SERPINI2: variants seen among roughly 807,000 people sequenced by gnomAD.
The protein encoded by SERPINI2 is serpin I2.
In SERPINI2, 48 loss-of-function variants were observed where a neutral mutation model predicts 47.3. That is an observed-to-expected ratio of 1.02 (90% CI 0.81 to 1.29). The LOEUF is 1.29. SERPINI2 is among the 50% of genes most tolerant of loss of function. The pLI, the probability that SERPINI2 is intolerant of heterozygous loss-of-function variation, is 0.00. For missense variants in SERPINI2, 448 were observed against 456.9 expected (o/e 0.98, Z 0.18); for synonymous variants, 135 against 149.3 (o/e 0.90, Z 0.70).
At chr3:167,466,701 A>G (rs1271083332) in intron 3 of SERPINI2, among the ~76,000 whole-genome samples, 1 of 152,154 alleles carries the variant, frequency 6.6e-6, no homozygotes, top group Non-Finnish European at 1.5e-5. Flanking sequence ...GAAAGAAGGC[A>G]TTTGGGATTG....
chr3:167,448,005 T>C (rs1301303420), intron 7 of SERPINI2, among the ~76,000 whole-genome samples: 4 of 152,200 alleles, frequency 2.6e-5, no homozygotes, highest in East Asian at 1.9e-4. Flanking sequence ...CAGTAAGACA[T>C]TGAAATGATA....
exon 5 of SERPINI2, chr3:167,465,305 C>G (rs745324577): frequency 5.0e-6 from 8 of 1,613,146 alleles, no homozygotes; most frequent in Non-Finnish European, 6.8e-6. Context: ...TATATCCATA[C>G]CTTCTGCAGG....
At chr3:167,465,891 A>G (rs1315880026) in intron 3 of SERPINI2, among the ~76,000 whole-genome samples, 1 of 152,208 alleles carries the variant, frequency 6.6e-6, no homozygotes, top group South Asian at 2.1e-4. Flanking sequence ...AATTAGAAAT[A>G]TGAGACTGTT....
rs1359324307 is a variant in SERPINI2 at position 167,453,017 on chromosome 3, T to A, written c.883A>T (p.Lys295Ter). 1 of 1,581,804 alleles carries A rather than the reference T, an allele frequency of 6.3e-7. No individual in the cohort carries two copies. The highest frequency in any genetic ancestry group is 1.4e-5 in the African/African-American group (1 of 73,670). The change falls in exon 6 of 9, where the codon AAA becomes TAA. Residue 295 changes from lysine to a stop codon, truncating the protein, a stop_gained. Coordinates refer to ENST00000264677, the Ensembl canonical transcript of SERPINI2. LOFTEE classifies it high-confidence loss of function. ...TACAAAACGTCTTTGAAGTCTACTT[T>A]TTGTTCTACTTTAAATCTGTTATTA...
exon 3 of SERPINI2, chr3:167,467,168 T>C: frequency 6.2e-7 from 1 of 1,613,486 alleles, no homozygotes. Context: ...ATGGAGATAC[T>C]GTTCTTTCAC....
At chr3:167,473,408 T>G (rs1750393499) in intron 1 of SERPINI2, among the ~76,000 whole-genome samples, 1 of 151,578 alleles carries the variant, frequency 6.6e-6, no homozygotes, top group South Asian at 2.1e-4. Context: ...TCTAATATAT[T>G]CAATTTCTCA....
At chr3:167,449,667 T>C (rs1346276694) in intron 6 of SERPINI2, among the ~76,000 whole-genome samples, 2 of 143,916 alleles carry the variant, frequency 1.4e-5, no homozygotes, top group African/African-American at 2.7e-5. Flanking sequence ...CTAATTTTTG[T>C]ATTTTTAGTA....
intron 7 of SERPINI2, among the ~76,000 whole-genome samples, chr3:167,448,545 T>C (rs1749544515): frequency 6.6e-6 from 1 of 151,856 alleles, no homozygotes; most frequent in Non-Finnish European, 1.5e-5. Flanking sequence ...TGTTTTGAGA[T>C]GGAGTCTCGC....
Position 167,467,590 on chromosome 3 carries a change from AT to A in SERPINI2, c.248-306del, listed in dbSNP as rs139555399. ...CCCTCTTGATAGTCACATTTAGCGC[AT>A]TTTTAGTTATTGAAATTTATGTTTA... On this transcript the variant is annotated intron_variant, in intron 2 of 8. Transcript: ENST00000264677. 3.4e-3 allele frequency among the ~76,000 whole-genome samples: 524 copies of A among 152,306 alleles called. 6 individuals are homozygous for A. Among genetic ancestry groups the A allele is most frequent in the African/African-American group, 0.012 (492 of 41,570 alleles).
intron 2 of SERPINI2, among the ~76,000 whole-genome samples, chr3:167,467,642 T>C (rs1222191242): frequency 6.6e-6 from 1 of 152,230 alleles, no homozygotes; most frequent in Non-Finnish European, 1.5e-5. Flanking sequence ...AACGTGAGCA[T>C]GTGATACCTA....
At chr3:167,455,788 C>T (rs1210916422) in intron 5 of SERPINI2, among the ~76,000 whole-genome samples, 2 of 152,022 alleles carry the variant, frequency 1.3e-5, no homozygotes, top group East Asian at 1.9e-4. Context: ...GGAATGGGCA[C>T]ATCTTACATG....
intron 6 of SERPINI2, among the ~76,000 whole-genome samples, 182 bp from the exon 7 acceptor site, chr3:167,449,584 T>C (rs1272685680): frequency 6.6e-6 from 1 of 152,158 alleles, no homozygotes; most frequent in African/African-American, 2.4e-5. Flanking sequence ...AACCTCTGCC[T>C]CCCAGATTCA....
chr3:167,456,512 T>C (rs971959060), intron 5 of SERPINI2, among the ~76,000 whole-genome samples: 10 of 152,194 alleles, frequency 6.6e-5, no homozygotes, highest in Non-Finnish European at 1.2e-4. Flanking sequence ...AAGTGTTACA[T>C]CTTTTGAAAA....
At chr3:167,451,405 T>G (rs1749637196) in intron 6 of SERPINI2, among the ~76,000 whole-genome samples, 1 of 152,252 alleles carries the variant, frequency 6.6e-6, no homozygotes, top group African/African-American at 2.4e-5. Context: ...AGTGTTGGGC[T>G]GCTTCATAGT....
intron 5 of SERPINI2, among the ~76,000 whole-genome samples, chr3:167,457,965 A>T (rs1201791148): frequency 6.6e-6 from 1 of 152,200 alleles, no homozygotes; most frequent in Non-Finnish European, 1.5e-5. Context: ...TTTTCAGACA[A>T]GTTATCCAGG....
At chr3:167,458,358 T>C (rs1020813264) in intron 5 of SERPINI2, among the ~76,000 whole-genome samples, 1 of 150,908 alleles carries the variant, frequency 6.6e-6, no homozygotes, top group African/African-American at 2.4e-5. Context: ...TCACGCCATT[T>C]TCCTGCCTCA....
chr3:167,444,487 G>A (rs1421723300), intron 8 of SERPINI2, among the ~76,000 whole-genome samples: 2 of 152,070 alleles, frequency 1.3e-5, no homozygotes, highest in Admixed American at 6.5e-5. Context: ...TACACTTTAT[G>A]TATACCATGA....
At chr3:167,456,177 TG>T (rs1222377751) in intron 5 of SERPINI2, among the ~76,000 whole-genome samples, 3 of 151,560 alleles carry the variant, frequency 2.0e-5, no homozygotes, top group African/African-American at 7.3e-5. Flanking sequence ...TGTGTGTGTG[TG>T]TGTGTGTGTG....
At chr3:167,442,868 A>G (rs12485712) in intron 8 of SERPINI2, among the ~76,000 whole-genome samples, 13,410 of 152,274 alleles carry the variant, frequency 0.088, 618 homozygotes, top group Non-Finnish European at 0.11. Context: ...GCCTAAATCA[A>G]TCAGTGTCAA....
Sources: allele counts gnomAD v4.1 joint callset (sites outside exome capture counted in the v4.1 genomes callset), GRCh38; gene constraint gnomAD v4.1.1; transcripts MANE v1.5; gene names NCBI Gene and HGNC (gene_info 2026-07-23, HGNC 2026-07-21).